The following RAD17 variants were observed in gnomAD, a reference collection of about 807,000 sequenced individuals.
RAD17 encodes the protein cell cycle checkpoint protein RAD17.
A neutral mutation model predicts 81.5 loss-of-function variants in RAD17; 31 were observed. The ratio of observed to expected loss-of-function variants is 0.38; its 90% CI spans 0.29 to 0.51. The LOEUF (loss-of-function observed/expected upper bound fraction) is 0.51. Ranked by LOEUF, RAD17 falls within the 20% of genes least tolerant of loss-of-function variation. The probability of loss-of-function intolerance (pLI) is 0.88; values close to 1 mark genes in which losing one functional copy is unlikely to be tolerated. For missense variants in RAD17, 681 were observed against 781.2 expected, an observed-to-expected ratio of 0.87 and a Z score of 1.53; for synonymous variants, 261 against 266.2, an observed-to-expected ratio of 0.98 and a Z score of 0.19.
intron 15 of RAD17, among the ~76,000 whole-genome samples, chr5:69,395,501 G>A (rs993551001): frequency 1.3e-5 from 2 of 152,134 alleles, no homozygotes; most frequent in African/African-American, 2.4e-5. Context: ...AACAGACTGA[G>A]ACCCTATTTT....
chr5:69,408,502 A>C (rs1382361605), intron 17 of RAD17, among the ~76,000 whole-genome samples: 1 of 115,590 alleles, frequency 8.7e-6, no homozygotes, highest in Non-Finnish European at 1.8e-5. Flanking sequence ...GGCTACCCTA[A>C]TTACTTTTTT....
intron 6 of RAD17, among the ~76,000 whole-genome samples, chr5:69,379,293 T>C (rs1763701163): frequency 6.6e-6 from 1 of 152,108 alleles, no homozygotes; most frequent in African/African-American, 2.4e-5. Context: ...AAAATGCTAG[T>C]ATACATTTAT....
intron 6 of RAD17, among the ~76,000 whole-genome samples, chr5:69,379,106 G>A (rs1399716851): frequency 2.0e-5 from 3 of 152,136 alleles, no homozygotes; most frequent in Non-Finnish European, 4.4e-5. Context: ...GCCAGGCATG[G>A]TGGTGTGTGC....
chr5:69,381,807 A>G, intron 6 of RAD17, 94 bp from the exon 7 acceptor site: 4 of 895,912 alleles, frequency 4.5e-6, no homozygotes, highest in Non-Finnish European at 6.6e-6. Flanking sequence ...GCAAATATTT[A>G]TAGAAGTAAA....
intron 6 of RAD17, 67 bp downstream of exon 6, chr5:69,374,778 G>A: frequency 7.7e-7 from 1 of 1,307,154 alleles, no homozygotes; most frequent in Non-Finnish European, 1.1e-6. Flanking sequence ...TGTGTTGTTA[G>A]AAGTTAAAGT....
intron 1 of RAD17, chr5:69,370,295 A>C (rs4252215): frequency 6.6e-6 from 1 of 152,550 alleles, no homozygotes; most frequent in Non-Finnish European, 1.5e-5. Flanking sequence ...GTAATTGTCA[A>C]TCTTGTTTTC....
At chr5:69,385,201 A>C (rs555735254) in intron 8 of RAD17, among the ~76,000 whole-genome samples, 238 of 149,352 alleles carry the variant, frequency 1.6e-3, no homozygotes, top group Non-Finnish European at 2.6e-3. Context: ...ACCTCATGAT[A>C]TGCCCACCGT....
At chr5:69,407,262 G>T (rs1462693679) in intron 17 of RAD17, among the ~76,000 whole-genome samples, 2 of 151,756 alleles carry the variant, frequency 1.3e-5, no homozygotes, top group Non-Finnish European at 2.9e-5. Context: ...TTCGGCCTGT[G>T]TAGTAGAATT....
chr5:69,401,712 G>T (rs1023989228), intron 17 of RAD17, among the ~76,000 whole-genome samples: 4 of 151,840 alleles, frequency 2.6e-5, no homozygotes, highest in Non-Finnish European at 5.9e-5. Flanking sequence ...TTTTGGCCGG[G>T]TGCAGTGGCT....
intron 6 of RAD17, among the ~76,000 whole-genome samples, chr5:69,377,684 T>C (rs1454895236): frequency 1.8e-5 from 2 of 113,364 alleles, no homozygotes; most frequent in African/African-American, 6.5e-5. Flanking sequence ...TATGCATATA[T>C]ATATATGTAT....
intron 6 of RAD17, among the ~76,000 whole-genome samples, chr5:69,380,177 G>A (rs1763762463): frequency 6.6e-6 from 1 of 151,890 alleles, no homozygotes; most frequent in African/African-American, 2.4e-5. Context: ...CACTGTGCCC[G>A]GCCAACTTTT....
At chr5:69,410,992 T>TATAC (rs1765956733) in intron 18 of RAD17, among the ~76,000 whole-genome samples, 2 of 144,928 alleles carry the variant, frequency 1.4e-5, no homozygotes, top group Admixed American at 1.4e-4. Flanking sequence ...TATATATATA[T>TATAC]ATATACTGTT....
rs776495148 is a variant in RAD17, at chr5:69,389,072, A to G, written c.933A>G (p.Leu311=). 5.8e-6 allele frequency: 9 copies of G among 1,549,060 alleles called. No individual in the cohort carries two copies. In the African/African-American group the frequency reaches 8.3e-5, roughly 14 times the overall value. ...TTACTGTCCCTGACAAAACTTCTCT[A>G]GAGTTGCTCTGTCAGGGATGTTCTG... ...GKITVPDKTS[L]ELLCQGCSGD... is the part of the protein sequence containing the mutation. The change falls in exon 12 of 19, where the codon CTA becomes CTG. Residue 311 remains leucine, a synonymous_variant. Coordinates refer to ENST00000354868, the MANE Select transcript of RAD17 (RefSeq NM_133338.3).
chr5:69,369,696 G>A (rs4252216), upstream of RAD17: 263 of 1,552,978 alleles, frequency 1.7e-4, 1 homozygote, highest in African/African-American at 2.9e-3. Flanking sequence ...AAGTTGGAGG[G>A]TGGGCATAAC....
At chr5:69,383,635 C>T (rs1363720350) in intron 7 of RAD17, among the ~76,000 whole-genome samples, 2 of 152,122 alleles carry the variant, frequency 1.3e-5, no homozygotes, top group African/African-American at 2.4e-5. Flanking sequence ...CCACCTCGGC[C>T]TCCAAAAGTG....
At chr5:69,409,011 CTTAT>C (rs748488796) in intron 17 of RAD17, among the ~76,000 whole-genome samples, 15 of 152,232 alleles carry the variant, frequency 9.9e-5, no homozygotes, top group Non-Finnish European at 2.1e-4. Context: ...TTAGCTTGTT[CTTAT>C]TTAAGAGGAG....
chr5:69,411,142 G>A (rs1348400783), intron 18 of RAD17, among the ~76,000 whole-genome samples: 3 of 151,878 alleles, frequency 2.0e-5, no homozygotes. Context: ...CGGGCGTGGT[G>A]GCTTATGCTT....
intron 11 of RAD17, among the ~76,000 whole-genome samples, chr5:69,387,187 G>GCTCA (rs1764267279): frequency 6.6e-6 from 1 of 152,028 alleles, no homozygotes; most frequent in Non-Finnish European, 1.5e-5. Flanking sequence ...GCCTCTGAAA[G>GCTCA]TGCTGAGATT....
intron 17 of RAD17, among the ~76,000 whole-genome samples, chr5:69,408,088 C>A (rs1260883453): frequency 6.6e-6 from 1 of 152,088 alleles, no homozygotes; most frequent in Non-Finnish European, 1.5e-5. Context: ...TATCTGAAGT[C>A]TTTTTCTGTT....
Sources: allele counts gnomAD v4.1 joint callset (sites outside exome capture counted in the v4.1 genomes callset), GRCh38; gene constraint gnomAD v4.1.1; transcripts MANE v1.5; gene names NCBI Gene and HGNC (gene_info 2026-07-23, HGNC 2026-07-21).